The following ZNF385D variants were observed in gnomAD, a reference collection of about 807,000 sequenced individuals.
ZNF385D encodes the protein zinc finger protein 385D.
Under a neutral mutation model 35.8 loss-of-function variants are expected in ZNF385D, and 15 were observed. That is an observed-to-expected ratio of 0.42 (90% CI 0.28 to 0.64). The LOEUF is 0.64. Among genes scored for constraint, ZNF385D ranks in the 30% least tolerant of loss-of-function variants. The probability of loss-of-function intolerance (pLI) is 0.23; values close to 1 mark genes in which losing one functional copy is unlikely to be tolerated. For synonymous variants in ZNF385D, 212 were observed against 186.8 expected (o/e 1.13, Z -1.10); for missense variants, 474 against 494.6 (o/e 0.96, Z 0.39).
In ZNF385D at chr3:21,621,208, GATTA is replaced by G. The variant is rs531902559; in HGVS notation, c.165+43674_165+43677del. On this transcript the variant is annotated intron_variant, in intron 2 of 7. Coordinates refer to ENST00000281523, the MANE Select transcript of ZNF385D (RefSeq NM_024697.3). ...AATTATGCATTTGCTTGCTGTCTAA[GATTA>G]ATCAGGGAAGTTAATGATGCAAAAA... Among the ~76,000 whole-genome samples, 63 of 152,196 alleles carry G rather than the reference GATTA, an allele frequency of 4.1e-4. 1 individual carries two copies. In the East Asian group the frequency reaches 0.011, roughly 27 times the overall value.
Position 22,162,177 on chromosome 3 carries a change from G to T in ZNF385D, c.325+6640C>A, listed in dbSNP as rs188025226. On this transcript the variant is annotated intron_variant, in intron 3 of 5. Coordinates refer to the ZNF385D transcript ENST00000494108. ...GAAAGTATTAAATCGTGTTGCATTTGCACAATAAAACACATTGTGCATATT... is the reference window on the plus strand; with the variant it reads ...GAAAGTATTAAATCGTGTTGCATTTTCACAATAAAACACATTGTGCATATT... Among the ~76,000 whole-genome samples, 225 of 152,214 alleles carry T rather than the reference G, an allele frequency of 1.5e-3. 1 individual carries two copies. Among genetic ancestry groups the T allele is most frequent in the African/African-American group, 5.2e-3 (214 of 41,530 alleles).
rs745537787 is a variant in ZNF385D at position 21,572,248 on chromosome 3, AC to A, written c.166-7565del. Among the ~76,000 whole-genome samples the A allele has an allele frequency of 3.9e-5, 6 of 152,184 alleles. No individual in the cohort carries two copies. The East Asian group carries it at 5.8e-4, about 15-fold the overall frequency. ...GAACTGAGGACAAAGATAAGGCCAA[AC>A]TTTTTATAATACAATACTTGTACAT... is the stretch of plus-strand genomic sequence containing the variant. On this transcript the variant is annotated intron_variant, in intron 2 of 7. Transcript: ENST00000281523.
At chr3:21,483,315 G>A (rs1254946266) in intron 4 of ZNF385D, among the ~76,000 whole-genome samples, 1 of 152,114 alleles carries the variant, frequency 6.6e-6, no homozygotes, top group Non-Finnish European at 1.5e-5. Context: ...CATATCAATA[G>A]TTTATTCCTC....
intron 3 of ZNF385D, among the ~76,000 whole-genome samples, chr3:22,005,248 T>C (rs762992964): frequency 6.6e-6 from 1 of 151,774 alleles, no homozygotes; most frequent in Non-Finnish European, 1.5e-5. Flanking sequence ...CATCTTATCC[T>C]AGTTAGAATG....
chr3:22,222,739 A>G (rs1240997419), intron 2 of ZNF385D, among the ~76,000 whole-genome samples: 1 of 152,224 alleles, frequency 6.6e-6, no homozygotes, highest in Admixed American at 6.5e-5. Flanking sequence ...TGAAAATTAT[A>G]AAGCTCTAAG....
intron 1 of ZNF385D, among the ~76,000 whole-genome samples, chr3:21,731,924 A>G (rs187527839): frequency 7.5e-4 from 114 of 151,344 alleles, no homozygotes; most frequent in Non-Finnish European, 1.4e-3. Flanking sequence ...CATCATGTAG[A>G]TATACCACAG....
rs542044016 is a variant in ZNF385D, at chr3:22,243,094, A to G, written c.107-74059T>C. Among the ~76,000 whole-genome samples, 56 of 151,226 alleles carry G rather than the reference A, an allele frequency of 3.7e-4. 7 individuals carry two copies. The South Asian group carries it at 0.011, about 31-fold the overall frequency. ...TAAATAGCACTATCAAAGGAAAACT[A>G]CAGAATGGGAGAAAATATTTGCAAA... On this transcript the variant is annotated intron_variant, in intron 2 of 5. Transcript: ENST00000494108.
intron 3 of ZNF385D, among the ~76,000 whole-genome samples, chr3:21,945,227 CAGAG>C (rs935746236): frequency 1.3e-5 from 2 of 151,306 alleles, no homozygotes; most frequent in Admixed American, 6.6e-5. Flanking sequence ...GAGAAAGAGA[CAGAG>C]AGAGGAGAAA....
intron 3 of ZNF385D, among the ~76,000 whole-genome samples, chr3:22,164,463 G>C (rs954673770): frequency 1.3e-5 from 2 of 151,612 alleles, no homozygotes; most frequent in African/African-American, 2.4e-5. Context: ...TCTTGACCTC[G>C]TGATCTGGCC....
At chr3:21,581,757 A>T (rs2063672343) in intron 2 of ZNF385D, among the ~76,000 whole-genome samples, 1 of 152,210 alleles carries the variant, frequency 6.6e-6, no homozygotes, top group Non-Finnish European at 1.5e-5. Context: ...AAAATTAATA[A>T]TCTAGCTTTT....
At chr3:22,135,497 G>A (rs1704049833) in intron 3 of ZNF385D, among the ~76,000 whole-genome samples, 1 of 152,054 alleles carries the variant, frequency 6.6e-6, no homozygotes, top group Non-Finnish European at 1.5e-5. Flanking sequence ...AATAAATGGA[G>A]AAACATACAA....
chr3:21,665,155 G>C, intron 1 of ZNF385D, 127 bp from the exon 2 acceptor site: 1 of 1,243,462 alleles, frequency 8.0e-7, no homozygotes, highest in South Asian at 1.7e-5. Context: ...GGACTCTATT[G>C]ACCTCAACTG....
chr3:22,254,238 A>G lies in ZNF385D; in HGVS notation c.107-85203T>C, dbSNP rs139370452. Among the ~76,000 whole-genome samples, 12 of 152,034 alleles carry G rather than the reference A, an allele frequency of 7.9e-5. No individual in the cohort carries two copies. The East Asian group carries it at 2.3e-3, about 29-fold the overall frequency. On this transcript the variant is annotated intron_variant, in intron 2 of 5. Coordinates refer to the ZNF385D transcript ENST00000494108. ...AATTAAAATGAGCAATAAATATTTC[A>G]AAACTATTGAGTCTTACTAGCAAAC...
At chr3:22,007,205 T>A (rs1696264730) in intron 3 of ZNF385D, among the ~76,000 whole-genome samples, 1 of 152,210 alleles carries the variant, frequency 6.6e-6, no homozygotes, top group Non-Finnish European at 1.5e-5. Flanking sequence ...CCTTAGTGTT[T>A]GTTTCATCTC....
At chr3:22,006,276 A>G (rs1313779139) in intron 3 of ZNF385D, among the ~76,000 whole-genome samples, 1 of 152,106 alleles carries the variant, frequency 6.6e-6, no homozygotes, top group Non-Finnish European at 1.5e-5. Flanking sequence ...ATCCTTGTTG[A>G]TCTCCATTAC....
chr3:21,946,403 T>C (rs1248296356), intron 3 of ZNF385D, among the ~76,000 whole-genome samples: 3 of 152,186 alleles, frequency 2.0e-5, no homozygotes, highest in African/African-American at 7.2e-5. Context: ...TTTGTAGGCA[T>C]TGCAAAGTTG....
intron 3 of ZNF385D, among the ~76,000 whole-genome samples, chr3:21,796,452 T>C (rs2072155906): frequency 6.6e-6 from 1 of 152,236 alleles, no homozygotes; most frequent in African/African-American, 2.4e-5. Context: ...AAGTGGGATT[T>C]ATCCTAGGTA....
At chr3:21,667,661 T>C (rs2066448088) in intron 1 of ZNF385D, among the ~76,000 whole-genome samples, 1 of 152,210 alleles carries the variant, frequency 6.6e-6, no homozygotes, top group South Asian at 2.1e-4. Flanking sequence ...ATTACAAGAA[T>C]GCAATTTAGC....
intron 3 of ZNF385D, among the ~76,000 whole-genome samples, chr3:22,077,721 G>C (rs956143589): frequency 6.6e-6 from 1 of 151,986 alleles, no homozygotes; most frequent in African/African-American, 2.4e-5. Context: ...TTAGAGTGCA[G>C]TTGTAGCTGC....
Sources: gnomAD v4.1 joint callset for allele counts (sites outside exome capture counted in the v4.1 genomes callset) on GRCh38, gnomAD v4.1.1 for gene constraint, MANE v1.5 for transcripts, NCBI Gene and HGNC (gene_info 2026-07-23, HGNC 2026-07-21) for gene names.